The following CPLANE1 variants were observed in gnomAD, a reference collection of about 807,000 sequenced individuals.
CPLANE1 encodes the protein ciliogenesis and planar polarity effector 1.
CPLANE1 carries 263 observed loss-of-function variants against 362.5 expected under a neutral mutation model. The observed-to-expected ratio is 0.73, with a 90% CI of 0.66 to 0.80. The LOEUF is 0.80. CPLANE1 is among the 30% of genes least tolerant of loss of function. The pLI is 0.00. For missense variants in CPLANE1, 3,461 were observed against 3,793.4 expected (o/e 0.91, Z 2.30); for synonymous variants, 1,212 against 1,302.6 (o/e 0.93, Z 1.50).
intron 43 of CPLANE1, among the ~76,000 whole-genome samples, chr5:37,144,898 G>T (rs532066032): frequency 3.3e-5 from 5 of 151,892 alleles, no homozygotes. Flanking sequence ...GTAATTGTTG[G>T]CAAAGAAAAT....
At chr5:37,113,232 T>C (rs1179545103) in intron 51 of CPLANE1, among the ~76,000 whole-genome samples, 2 of 151,986 alleles carry the variant, frequency 1.3e-5, no homozygotes, top group Non-Finnish European at 2.9e-5. Context: ...AGGTGGGAGG[T>C]AATTGAATCA....
chr5:37,098,629 T>A, the CPLANE1 span, among the ~76,000 whole-genome samples: 4 of 151,914 alleles, frequency 2.6e-5, no homozygotes, highest in Non-Finnish European at 5.9e-5. Flanking sequence ...GGCCATATGT[T>A]AGGCCACAAA....
At chr5:37,182,182 TAC>T (rs572223211) in intron 26 of CPLANE1, among the ~76,000 whole-genome samples, 12 of 151,686 alleles carry the variant, frequency 7.9e-5, no homozygotes, top group East Asian at 5.8e-4. Context: ...CATATTCACA[TAC>T]ACACACACAC....
chr5:37,210,208 T>C (rs1792204734), intron 16 of CPLANE1: 1 of 1,563,548 alleles, frequency 6.4e-7, no homozygotes, highest in Non-Finnish European at 8.8e-7. Context: ...ACAAAAGAGA[T>C]TTATGCTCAA....
chr5:37,100,628 T>C, the CPLANE1 span, among the ~76,000 whole-genome samples: 25 of 152,234 alleles, frequency 1.6e-4, no homozygotes, highest in Non-Finnish European at 3.1e-4. Context: ...AATTTTAAAA[T>C]AGTTTCTTCT....
downstream of CPLANE1, among the ~76,000 whole-genome samples, chr5:37,104,711 G>A (rs551326235): frequency 6.6e-6 from 1 of 151,782 alleles, no homozygotes; most frequent in South Asian, 2.1e-4. Flanking sequence ...TTCAAGGCCA[G>A]CCTGGCCAAC....
In CPLANE1 at chr5:37,173,492, G is replaced by T. The variant is rs1339050231; in HGVS notation, c.6171+263C>A. On this transcript the variant is annotated intron_variant, in intron 32 of 52. Transcript: ENST00000651892. ...TTTTTTTTCCTAGTAGAGTTTCCTA[G>T]CAGAGTCTCACTATGTTGCCCAAGC... Among the ~76,000 whole-genome samples, 11 of 151,764 alleles carry T rather than the reference G, an allele frequency of 7.2e-5. No individual in the cohort carries two copies. In the East Asian group the frequency reaches 2.1e-3, roughly 29 times the overall value.
At chr5:37,090,933 C>T in the CPLANE1 span, among the ~76,000 whole-genome samples, 14 of 152,208 alleles carry the variant, frequency 9.2e-5, no homozygotes, top group Admixed American at 2.6e-4. Context: ...TTTTATCACA[C>T]ACATTCCAGG....
At chr5:37,140,650 C>A in intron 44 of CPLANE1, 2 of 985,324 alleles carry the variant, frequency 2.0e-6, no homozygotes, top group Non-Finnish European at 2.4e-6. Context: ...CTTCCAATAA[C>A]GACTGGGCTG....
chr5:37,089,474 G>T, the CPLANE1 span, among the ~76,000 whole-genome samples: 1 of 152,140 alleles, frequency 6.6e-6, no homozygotes, highest in African/African-American at 2.4e-5. Context: ...TGAAGGGAGA[G>T]AAATTACAGA....
rs138827261 is a variant in CPLANE1, at chr5:37,243,230, T to C, written c.571-111A>G. ...TAAACCAGTAAAAAATATTGAGATC[T>C]TGCTTATACTTTTTATCCTTAACAT... On this transcript the variant is annotated intron_variant, in intron 5 of 52. Transcript: ENST00000651892. The C allele has an allele frequency of 9.1e-5, 59 of 645,196 alleles. No individual in the cohort carries two copies. The East Asian group carries it at 1.8e-3, about 20-fold the overall frequency. 40.0% of individuals were successfully genotyped at this position (645,196 alleles called of 1,614,324 possible). A position where few individuals can be genotyped will look rare whatever the true frequency, so the allele number is the denominator to read the frequency against.
chr5:37,096,649 A>G, the CPLANE1 span, among the ~76,000 whole-genome samples: 2 of 152,190 alleles, frequency 1.3e-5, no homozygotes, highest in African/African-American at 4.8e-5. Flanking sequence ...AATCTTCACA[A>G]TCTATACATC....
chr5:37,162,505 T>C lies in CPLANE1; in HGVS notation c.7650A>G (p.Lys2550=), dbSNP rs369016327. ...GLHFMASVKK[K]AIGSQDASTN... ...TACTTGCATCTTGACTTCCTATAGC[T>C]TTCTTTTTTACAGAGGCCATGAAAT... Residue 2550 remains lysine (K), a synonymous_variant, in exon 38 of 53, where the codon AAA becomes AAG. Transcript: ENST00000651892. The C allele has an allele frequency of 2.5e-5, 41 of 1,613,060 alleles. No individual in the cohort carries two copies. Among genetic ancestry groups the C allele is most frequent in the Non-Finnish European group, 3.3e-5 (39 of 1,179,382 alleles).
At chr5:37,164,983 G>A (rs1179845230) in intron 36 of CPLANE1, among the ~76,000 whole-genome samples, 2 of 152,138 alleles carry the variant, frequency 1.3e-5, no homozygotes, top group East Asian at 3.9e-4. Context: ...GCACACACCT[G>A]TAGTTCTAGC....
chr5:37,111,223 C>T, intron 51 of CPLANE1, among the ~76,000 whole-genome samples: 1 of 151,872 alleles, frequency 6.6e-6, no homozygotes, highest in African/African-American at 2.4e-5. Flanking sequence ...CGGGTTCACA[C>T]CATTCTCCTG....
chr5:37,196,681 T>C (rs976018120), intron 20 of CPLANE1, among the ~76,000 whole-genome samples: 3 of 152,142 alleles, frequency 2.0e-5, no homozygotes, highest in African/African-American at 7.2e-5. Context: ...ATCCCAGCAC[T>C]TTAGGGAGGC....
At chr5:37,149,300 A>T (rs1311396548) in intron 42 of CPLANE1, among the ~76,000 whole-genome samples, 1 of 152,146 alleles carries the variant, frequency 6.6e-6, no homozygotes, top group African/African-American at 2.4e-5. Context: ...TCCCTTATAT[A>T]AAATGGTGCA....
the CPLANE1 span, among the ~76,000 whole-genome samples, chr5:37,087,319 G>A: frequency 1.3e-5 from 2 of 152,308 alleles, no homozygotes; most frequent in East Asian, 1.9e-4. Context: ...AAAAGGGGAA[G>A]GAGGAGGAAA....
the CPLANE1 span, among the ~76,000 whole-genome samples, chr5:37,078,811 G>C: frequency 1.3e-5 from 2 of 151,892 alleles, no homozygotes; most frequent in South Asian, 4.2e-4. Context: ...AATGATCAGT[G>C]ATGTTGAGCT....
Sources: gnomAD v4.1 joint callset for allele counts (sites outside exome capture counted in the v4.1 genomes callset) on GRCh38, gnomAD v4.1.1 for gene constraint, MANE v1.5 for transcripts, NCBI Gene and HGNC (gene_info 2026-07-23, HGNC 2026-07-21) for gene names.